The following COBL variants were observed in gnomAD, a reference collection of about 807,000 sequenced individuals.
The protein encoded by COBL is cordon-bleu WH2 repeat protein, also known as protein cordon-bleu.
COBL carries 51 observed loss-of-function variants against 98.8 expected under a neutral mutation model. The ratio of observed to expected loss-of-function variants is 0.52; its 90% CI spans 0.41 to 0.65. The LOEUF is 0.65. Among genes scored for constraint, COBL ranks in the 30% least tolerant of loss-of-function variants. The pLI is 0.00. For missense variants in COBL, 1,617 were observed against 1,617.5 expected (o/e 1.00, Z 0.01); for synonymous variants, 634 against 651.7 (o/e 0.97, Z 0.41).
chr7:51,153,810 A>G (rs1041036728), intron 5 of COBL, among the ~76,000 whole-genome samples: 4 of 152,154 alleles, frequency 2.6e-5, no homozygotes, highest in Non-Finnish European at 2.9e-5. Context: ...AGTGATTCCA[A>G]TATCAGTGCT....
chr7:51,031,015 G>GGAATATCTGAGGATAGAA, intron 8 of COBL, 106 bp from the exon 9 acceptor site: 1 of 789,450 alleles, frequency 1.3e-6, no homozygotes, highest in South Asian at 1.5e-5. Context: ...TCAAATTCAA[G>GGAATATCTGAGGATAGAA]CAGTCACATA....
intron 1 of COBL, among the ~76,000 whole-genome samples, chr7:51,271,607 C>T (rs182928360): frequency 1.4e-3 from 220 of 152,170 alleles, no homozygotes; most frequent in African/African-American, 4.9e-3. Context: ...ATGAGTAAAT[C>T]GATAAAAGTT....
intron 1 of COBL, among the ~76,000 whole-genome samples, chr7:51,220,592 A>G (rs998238944): frequency 6.6e-6 from 1 of 152,164 alleles, no homozygotes; most frequent in Non-Finnish European, 1.5e-5. Context: ...CAAATGCTCA[A>G]TTCACCTCGT....
intron 1 of COBL, among the ~76,000 whole-genome samples, chr7:51,244,185 G>A (rs907180894): frequency 6.6e-6 from 1 of 152,142 alleles, no homozygotes; most frequent in Non-Finnish European, 1.5e-5. Flanking sequence ...TGAGAACTGA[G>A]GCTGCAAACC....
intron 6 of COBL, among the ~76,000 whole-genome samples, chr7:51,103,285 A>C (rs1795970710): frequency 6.6e-6 from 1 of 152,134 alleles, no homozygotes; most frequent in African/African-American, 2.4e-5. Context: ...CTTATTATTT[A>C]TGTGTTTGTG....
chr7:51,221,851 T>C (rs1176458182), intron 1 of COBL, among the ~76,000 whole-genome samples: 1 of 152,218 alleles, frequency 6.6e-6, no homozygotes, highest in Non-Finnish European at 1.5e-5. Context: ...CTGACATTCA[T>C]GTCACTGGTT....
chr7:51,175,471 A>G (rs1341971929), intron 5 of COBL, among the ~76,000 whole-genome samples: 1 of 152,202 alleles, frequency 6.6e-6, no homozygotes, highest in African/African-American at 2.4e-5. Flanking sequence ...AAATCTTACC[A>G]TGTCTTGGAA....
intron 7 of COBL, among the ~76,000 whole-genome samples, chr7:51,051,365 G>A (rs1464502389): frequency 1.3e-5 from 2 of 152,158 alleles, no homozygotes; most frequent in African/African-American, 2.4e-5. Context: ...CTAAAGATGT[G>A]TATTTAATTT....
At chr7:51,206,353 G>T (rs146845256) in intron 2 of COBL, among the ~76,000 whole-genome samples, 1 of 151,948 alleles carries the variant, frequency 6.6e-6, no homozygotes, top group South Asian at 2.1e-4. Context: ...TTAGCCAGGC[G>T]TGGTGGCACA....
At chr7:51,170,939 A>G (rs1787815236) in intron 5 of COBL, among the ~76,000 whole-genome samples, 1 of 152,272 alleles carries the variant, frequency 6.6e-6, no homozygotes, top group South Asian at 2.1e-4. Flanking sequence ...GGAAATAATT[A>G]ATGTTTGAGG....
chr7:51,164,016 G>C (rs771003608), intron 5 of COBL, among the ~76,000 whole-genome samples: 1 of 152,148 alleles, frequency 6.6e-6, no homozygotes, highest in Non-Finnish European at 1.5e-5. Context: ...AAACTTTTGG[G>C]CTTTTGCCAA....
chr7:51,208,505 C>T (rs1286704810), intron 2 of COBL, among the ~76,000 whole-genome samples: 2 of 151,986 alleles, frequency 1.3e-5, no homozygotes, highest in Admixed American at 6.5e-5. Context: ...TGCCCGGCTG[C>T]CCCTGCTGGG....
chr7:51,146,838 G>A (rs1165930023), intron 5 of COBL, among the ~76,000 whole-genome samples: 1 of 152,160 alleles, frequency 6.6e-6, no homozygotes, highest in Non-Finnish European at 1.5e-5. Flanking sequence ...GCAGTCAGGA[G>A]GAAAACCCAA....
At chr7:51,031,659 A>T (rs1788159159) in intron 8 of COBL, 1 of 152,302 alleles carries the variant, frequency 6.6e-6, no homozygotes, top group South Asian at 2.1e-4. Flanking sequence ...CAGACTCAGA[A>T]AACGAGAAAT....
intron 7 of COBL, among the ~76,000 whole-genome samples, chr7:51,074,066 G>A (rs1792821084): frequency 6.6e-6 from 1 of 152,050 alleles, no homozygotes; most frequent in Non-Finnish European, 1.5e-5. Flanking sequence ...ATAAAGAAGG[G>A]CCATGCCTGA....
intron 7 of COBL, among the ~76,000 whole-genome samples, chr7:51,048,149 G>A (rs962525349): frequency 6.6e-6 from 1 of 152,166 alleles, no homozygotes; most frequent in Non-Finnish European, 1.5e-5. Flanking sequence ...CTGGGCGACA[G>A]AGCAAGACTC....
chr7:51,100,102 C>A (rs986975000), intron 6 of COBL, among the ~76,000 whole-genome samples: 5 of 152,166 alleles, frequency 3.3e-5, no homozygotes, highest in African/African-American at 1.2e-4. Context: ...GCCATAACAC[C>A]TTGGCTTTAG....
At chr7:51,227,421 C>T (rs2129099278) in intron 1 of COBL, among the ~76,000 whole-genome samples, 1 of 152,306 alleles carries the variant, frequency 6.6e-6, no homozygotes, top group South Asian at 2.1e-4. Context: ...CCAGATTAGT[C>T]TCAAGCATCC....
At chr7:51,154,921 C>G (rs1785969285) in intron 5 of COBL, among the ~76,000 whole-genome samples, 1 of 152,212 alleles carries the variant, frequency 6.6e-6, no homozygotes, top group Non-Finnish European at 1.5e-5. Context: ...TTCTCATTGG[C>G]TATACTTCTG....
Sources: allele counts gnomAD v4.1 joint callset (sites outside exome capture counted in the v4.1 genomes callset), GRCh38; gene constraint gnomAD v4.1.1; transcripts MANE v1.5; gene names NCBI Gene and HGNC (gene_info 2026-07-23, HGNC 2026-07-21).